Variants in PTAFR observed in about 807,000 individuals in gnomAD.
The protein encoded by PTAFR is platelet-activating factor receptor.
PTAFR carries 8 observed loss-of-function variants against 14.7 expected under a neutral mutation model. The observed-to-expected ratio is 0.54, with a 90% confidence interval of 0.32 to 0.98. The LOEUF (loss-of-function observed/expected upper bound fraction) is 0.98. PTAFR is among the 50% of genes least tolerant of loss of function. The probability of loss-of-function intolerance (pLI) is 0.04; values close to 1 mark genes in which losing one functional copy is unlikely to be tolerated. For missense variants in PTAFR, 337 were observed against 451.2 expected, an observed-to-expected ratio of 0.75 and a Z score of 2.29; for synonymous variants, 156 against 176.5, an observed-to-expected ratio of 0.88 and a Z score of 0.92.
At chr1:28,181,872 G>A (rs541693963) in intron 1 of PTAFR, among the ~76,000 whole-genome samples, 1 of 152,184 alleles carries the variant, frequency 6.6e-6, no homozygotes, top group Non-Finnish European at 1.5e-5. Flanking sequence ...CACCTTGAGA[G>A]GCCGAAGTGA....
In PTAFR at chr1:28,150,530, A is replaced by G. The variant is rs1359968822; in HGVS notation, c.492T>C (p.Ser164=). The change falls in exon 2 of 2, where the codon AGT becomes AGC. Residue 164 remains serine, a synonymous_variant. Coordinates refer to ENST00000373857, the MANE Select transcript of PTAFR (RefSeq NM_000952.5). The surrounding 1 kb of genome is among the most constrained non-coding windows in gnomAD (Gnocchi z 6.3). ...ILDSTNTVPD[S]AGSGNVTRCF... is the part of the protein sequence containing the mutation. ...AGCGAGTGACGTTGCCTGAGCCAGC[A>G]CTGTCGGGCACTGTGTTGGTGGAGT... is the stretch of plus-strand genomic sequence containing the variant. 1.2e-6 allele frequency: 2 copies of G among 1,614,104 alleles called. No individual in the cohort carries two copies. The highest frequency in any genetic ancestry group is 1.7e-6 in the Non-Finnish European group (2 of 1,180,046).
intron 1 of PTAFR, among the ~76,000 whole-genome samples, chr1:28,158,504 C>A (rs1458101080): frequency 6.6e-6 from 1 of 152,116 alleles, no homozygotes; most frequent in Admixed American, 6.6e-5. Context: ...TTGAGACCAG[C>A]CTGACCAACA....
At chr1:28,178,424 C>T (rs1646535773), upstream of PTAFR, among the ~76,000 whole-genome samples, 4 of 151,770 alleles carry the variant, frequency 2.6e-5, no homozygotes, top group Admixed American at 2.6e-4. Flanking sequence ...CCACGCCCGG[C>T]TAATTTTTGT....
At chr1:28,167,551 C>A (rs546033723) in intron 1 of PTAFR, among the ~76,000 whole-genome samples, 18 of 147,382 alleles carry the variant, frequency 1.2e-4, no homozygotes, top group Non-Finnish European at 2.4e-4. Context: ...AGAAGCTCCT[C>A]AAAAAACTAA....
intron 1 of PTAFR, among the ~76,000 whole-genome samples, chr1:28,190,981 C>A (rs1388895516): frequency 1.3e-5 from 2 of 152,164 alleles, no homozygotes; most frequent in Non-Finnish European, 2.9e-5. Flanking sequence ...GGGATTAGGC[C>A]GGTAAAGGAC....
upstream of PTAFR, among the ~76,000 whole-genome samples, chr1:28,181,002 C>T (rs1342743748): frequency 1.3e-5 from 2 of 152,164 alleles, no homozygotes; most frequent in East Asian, 1.9e-4. Context: ...TGGAGTCTCA[C>T]TCTGTCTCCC....
chr1:28,150,181 G>A lies in PTAFR; in HGVS notation c.841C>T (p.Leu281Phe), dbSNP rs1380259919. ...TCTAAGACACAGTTGGTGCTAAGGA[G>A]GCAGAGGGTGACCTGATGTGCATCA... ...INDAHQVTLC[L>F]LSTNCVLDPV... Residue 281 changes from leucine to phenylalanine, a missense_variant, in exon 2 of 2, where the codon CTC (leucine) becomes TTC (phenylalanine). Transcript: ENST00000373857. This position sits in a 1 kb window ranked among gnomAD's most constrained non-coding sequence, Gnocchi z 6.3. The A allele has an allele frequency of 6.2e-7, 1 of 1,614,174 alleles. No individual in the cohort carries two copies. Among genetic ancestry groups the A allele is most frequent in the East Asian group, 2.2e-5 (1 of 44,890 alleles).
At chr1:28,182,529 G>A (rs547640374) in intron 1 of PTAFR, among the ~76,000 whole-genome samples, 2 of 151,442 alleles carry the variant, frequency 1.3e-5, no homozygotes, top group Admixed American at 6.6e-5. Flanking sequence ...TTTAAAATTC[G>A]CTGCAGTGAG....
chr1:28,190,160 C>T (rs1353199880), intron 1 of PTAFR, among the ~76,000 whole-genome samples: 6 of 151,476 alleles, frequency 4.0e-5, no homozygotes, highest in Non-Finnish European at 7.4e-5. Flanking sequence ...TTAGTAGAGA[C>T]GGGGTTTCTC....
At chr1:28,187,340 A>G (rs765893587) in intron 1 of PTAFR, among the ~76,000 whole-genome samples, 4 of 152,196 alleles carry the variant, frequency 2.6e-5, no homozygotes, top group Non-Finnish European at 5.9e-5. Context: ...ATAGCCACTA[A>G]TAGTGCAAGT....
At position 28,164,277 on chromosome 1, in the gene PTAFR, T is replaced by C. The variant is rs532517140; in HGVS notation, c.-39+12315A>G. ...GCCAGTTGAGGTCAAAAGTACAAAA[T>C]TCTAAATATTTATAAGCTATAAATA... On this transcript the variant is annotated intron_variant, in intron 1 of 1. Coordinates refer to ENST00000373857, the MANE Select transcript of PTAFR (RefSeq NM_000952.5). Among the ~76,000 whole-genome samples, 324 of 152,274 alleles carry C rather than the reference T, an allele frequency of 2.1e-3. 1 individual carries two copies. Among genetic ancestry groups the C allele is most frequent in the African/African-American group, 7.6e-3 (315 of 41,538 alleles).
intron 1 of PTAFR, among the ~76,000 whole-genome samples, chr1:28,188,143 C>G (rs1362107446): frequency 6.6e-6 from 1 of 150,950 alleles, no homozygotes; most frequent in African/African-American, 2.4e-5. Flanking sequence ...AAGACCTCAT[C>G]TCTACTGAAA....
chr1:28,151,710 A>G lies in PTAFR; in HGVS notation c.-38-651T>C, dbSNP rs374334800. On this transcript the variant is annotated intron_variant, in intron 1 of 1. Coordinates refer to ENST00000373857, the MANE Select transcript of PTAFR (RefSeq NM_000952.5). Reference sequence around the variant, plus strand: ...TTTAAAAAGGGGCTCAAGGTTGAAGAAAGCACTTAATATTGCCCTTTTTGT... The same window carrying G: ...TTTAAAAAGGGGCTCAAGGTTGAAGGAAGCACTTAATATTGCCCTTTTTGT... 1.5e-4 allele frequency among the ~76,000 whole-genome samples: 23 copies of G among 152,230 alleles called. No individual in the cohort carries two copies. The South Asian group carries it at 4.6e-3, about 30-fold the overall frequency.
chr1:28,192,902 A>G (rs1284507247), intron 1 of PTAFR, among the ~76,000 whole-genome samples: 5 of 151,968 alleles, frequency 3.3e-5, no homozygotes, highest in Non-Finnish European at 5.9e-5. Context: ...CTGTGTTTTT[A>G]TTATCAGTGT....
chr1:28,165,473 T>C (rs1484990311), intron 1 of PTAFR, among the ~76,000 whole-genome samples: 1 of 142,054 alleles, frequency 7.0e-6, no homozygotes, highest in African/African-American at 2.6e-5. Context: ...AAAAGACTTG[T>C]ACATTGAAAA....
chr1:28,160,003 A>G (rs547330838), intron 1 of PTAFR, among the ~76,000 whole-genome samples: 40 of 152,126 alleles, frequency 2.6e-4, no homozygotes, highest in Non-Finnish European at 4.9e-4. Context: ...GCTTGAGCTC[A>G]GGAGTTTGAG....
In PTAFR at chr1:28,151,328, C is replaced by A. The variant is rs572134564; in HGVS notation, c.-38-269G>T. Among the ~76,000 whole-genome samples, 3 of 152,146 alleles carry A rather than the reference C, an allele frequency of 2.0e-5. No homozygotes were observed. In the East Asian group the frequency reaches 5.8e-4, roughly 29 times the overall value. On this transcript the variant is annotated intron_variant, in intron 1 of 1. Transcript: ENST00000373857. Reference sequence around the variant, plus strand: ...CCAAGTAGCTGGGATTACAGGCATGCACCACCATGCCTGGCTAGTTTGTAT... The same window carrying A: ...CCAAGTAGCTGGGATTACAGGCATGAACCACCATGCCTGGCTAGTTTGTAT...
At chr1:28,184,082 G>GTTTTT (rs1165813776) in intron 1 of PTAFR, among the ~76,000 whole-genome samples, 6 of 82,416 alleles carry the variant, frequency 7.3e-5, no homozygotes, top group East Asian at 3.0e-4. Flanking sequence ...CCATTAGTCT[G>GTTTTT]TTTTTTTTTT....
At chr1:28,179,373 A>G (rs1646544834), upstream of PTAFR, among the ~76,000 whole-genome samples, 1 of 152,186 alleles carries the variant, frequency 6.6e-6, no homozygotes, top group Non-Finnish European at 1.5e-5. Context: ...GCAACTGCAG[A>G]TCAGCACCTC....
Sources: allele counts gnomAD v4.1 joint callset (sites outside exome capture counted in the v4.1 genomes callset), GRCh38; gene constraint gnomAD v4.1.1; non-coding constraint Gnocchi (gnomAD v3.1); transcripts MANE v1.5; gene names NCBI Gene and HGNC (gene_info 2026-07-23, HGNC 2026-07-21).